Variants in DDX52 observed in about 807,000 individuals in gnomAD.
DDX52 encodes DExD-box helicase 52.
Under a neutral mutation model 76.1 loss-of-function variants are expected in DDX52, and 59 were observed. The observed-to-expected ratio is 0.78, with a 90% CI of 0.63 to 0.96. The LOEUF is 0.96. Ranked by LOEUF, DDX52 falls within the 40% of genes least tolerant of loss-of-function variation. The pLI, the probability that DDX52 is intolerant of heterozygous loss-of-function variation, is 0.00. For missense variants in DDX52, 707 were observed against 703.9 expected, an observed-to-expected ratio of 1.00 and a Z score of -0.05; for synonymous variants, 231 against 244.1, an observed-to-expected ratio of 0.95 and a Z score of 0.50.
chr17:37,610,421 G>A lies in DDX52; in HGVS notation c.*3875C>T, dbSNP rs1429980878. 1.3e-5 allele frequency: 2 copies of A among 150,898 alleles called. No homozygotes were observed. The highest frequency in any genetic ancestry group is 2.9e-5 in the Non-Finnish European group (2 of 67,902). 9.3% of individuals were successfully genotyped at this position (150,898 alleles called of 1,614,324 possible). The stretch of plus-strand genomic sequence containing the variant: ...GTGCCAGGGTGTGAGCCACATGCCT[G>A]GGCTGTGATTTTTTTTTTTCTTTTA... On this transcript the variant is annotated 3_prime_UTR_variant, in exon 15 of 15. Coordinates refer to ENST00000617633, the MANE Select transcript of DDX52 (RefSeq NM_007010.5).
chr17:37,638,871 G>A (rs1488979712), intron 2 of DDX52, among the ~76,000 whole-genome samples: 1 of 150,578 alleles, frequency 6.6e-6, no homozygotes, highest in Non-Finnish European at 1.5e-5. Flanking sequence ...CTGGGTTCAA[G>A]CGATTTTCCT....
chr17:37,611,106 A>G lies in DDX52; in HGVS notation c.*3190T>C, dbSNP rs2064346138. On this transcript the variant is annotated 3_prime_UTR_variant, in exon 15 of 15. Transcript: ENST00000617633. Reference sequence around the variant, plus strand: ...ATTCAACTCAGGATGTCGGCCTTCCATGACATCCCCAATCTGGGTTAGATG... The same window carrying G: ...ATTCAACTCAGGATGTCGGCCTTCCGTGACATCCCCAATCTGGGTTAGATG... 1 of 152,222 alleles carries G rather than the reference A, an allele frequency of 6.6e-6. No homozygotes were observed. Among genetic ancestry groups the G allele is most frequent in the Admixed American group, 6.5e-5 (1 of 15,274 alleles). The allele number at this position is 152,222 out of a possible 1,614,324, so 9.4% of individuals were successfully genotyped here.
At chr17:37,621,724 T>G (rs563453214) in intron 9 of DDX52, among the ~76,000 whole-genome samples, 2 of 152,188 alleles carry the variant, frequency 1.3e-5, no homozygotes, top group Non-Finnish European at 1.5e-5. Context: ...TGAAATATAT[T>G]CTCCATCTTG....
chr17:37,618,039 C>T (rs369604142), intron 14 of DDX52, among the ~76,000 whole-genome samples: 3 of 152,192 alleles, frequency 2.0e-5, no homozygotes, highest in South Asian at 4.2e-4. Context: ...GGCTTGAACC[C>T]GGGAGGCAGA....
At chr17:37,620,538 A>C (rs947270580) in intron 12 of DDX52, 3 of 208,878 alleles carry the variant, frequency 1.4e-5, no homozygotes, top group African/African-American at 7.0e-5. Flanking sequence ...GTGAAGTGTT[A>C]ATCATCATCA....
In DDX52 at chr17:37,630,181, C is replaced by A; in HGVS notation, c.604-8G>T. The A allele has an allele frequency of 6.2e-7, 1 of 1,600,872 alleles. No homozygotes were observed. Among genetic ancestry groups the A allele is most frequent in the South Asian group, 1.1e-5 (1 of 88,564 alleles). On this transcript the variant is annotated splice_region_variant and splice_polypyrimidine_tract_variant and intron_variant, in intron 4 of 14. Coordinates refer to ENST00000617633, the MANE Select transcript of DDX52 (RefSeq NM_007010.5). Reference sequence around the variant, plus strand: ...AGCCAGAAGTTCCCGACCCTAAAAACATAGGGTATATTAAATACTACAAAG... The same window carrying A: ...AGCCAGAAGTTCCCGACCCTAAAAAAATAGGGTATATTAAATACTACAAAG...
At chr17:37,630,480 T>C (rs1013509462) in intron 4 of DDX52, among the ~76,000 whole-genome samples, 2 of 152,112 alleles carry the variant, frequency 1.3e-5, no homozygotes, top group Non-Finnish European at 2.9e-5. Flanking sequence ...TAAACTATTG[T>C]CAAAATAAAA....
At chr17:37,614,723 G>A (rs746585653) in intron 14 of DDX52, among the ~76,000 whole-genome samples, 27 of 152,210 alleles carry the variant, frequency 1.8e-4, no homozygotes, top group African/African-American at 4.3e-4. Flanking sequence ...ATTATCCTCC[G>A]TTTACAGATG....
chr17:37,632,102 T>C lies in DDX52; in HGVS notation c.603+11A>G. On this transcript the variant is annotated intron_variant, in intron 4 of 14. Coordinates refer to ENST00000617633, the MANE Select transcript of DDX52 (RefSeq NM_007010.5). The stretch of plus-strand genomic sequence containing the variant: ...AGGAATGTTACAGGCATTCTAGATC[T>C]TCATACTCACATGCAGCATAACTGG... 6.2e-7 allele frequency: 1 copy of C among 1,612,760 alleles called. No homozygotes were observed. Among genetic ancestry groups the C allele is most frequent in the Non-Finnish European group, 8.5e-7 (1 of 1,179,730 alleles).
chr17:37,643,356 G>T lies in DDX52; in HGVS notation c.65C>A (p.Ser22Ter), dbSNP rs780345755. Residue 22 changes from serine to a stop codon, truncating the protein, a stop_gained, in exon 1 of 15, where the codon TCG becomes TAG. Coordinates refer to ENST00000617633, the MANE Select transcript of DDX52 (RefSeq NM_007010.5). LOFTEE classifies it high-confidence loss of function. ...AGAKFDTRRF[S>*]ADAARFQIGK... ...TACCTGGAATCGAGCTGCGTCTGCC[G>T]AGAAGCGTCTCGTGTCGAATTTGGC... The T allele has an allele frequency of 6.2e-7, 1 of 1,614,028 alleles. No homozygotes were observed. Among genetic ancestry groups the T allele is most frequent in the Non-Finnish European group, 8.5e-7 (1 of 1,179,920 alleles).
At position 37,610,109 on chromosome 17, in the gene DDX52, T is replaced by C. The variant is rs2064284791; in HGVS notation, c.*4187A>G. ...AATTCATAATTACTCTGAAGCTATT[T>C]CGGCATATTTTTTACTGATTTTTTT... On this transcript the variant is annotated 3_prime_UTR_variant, in exon 15 of 15. Transcript: ENST00000617633. 6.7e-6 allele frequency: 1 copy of C among 150,282 alleles called. No homozygotes were observed. The highest frequency in any genetic ancestry group is 6.7e-5 in the Admixed American group (1 of 14,926). The allele number at this position is 150,282 out of a possible 1,614,324, so 9.3% of individuals were successfully genotyped here. A position where few individuals can be genotyped will look rare whatever the true frequency, so the allele number is the denominator to read the frequency against.
rs2064366031 is a variant in DDX52, at chr17:37,611,618, C to G, written c.*2678G>C. On this transcript the variant is annotated 3_prime_UTR_variant, in exon 15 of 15. Coordinates refer to ENST00000617633, the MANE Select transcript of DDX52 (RefSeq NM_007010.5). ...GTGTGGTGGCGCATGCCTGTAGTCC[C>G]AGCAACTCGGGAGGCTGAGGCAGGA... 6.6e-6 allele frequency: 1 copy of G among 151,296 alleles called. No homozygotes were observed. The highest frequency in any genetic ancestry group is 1.5e-5 in the Non-Finnish European group (1 of 68,060). 9.4% of individuals were successfully genotyped at this position (151,296 alleles called of 1,614,324 possible).
rs1325821874 is a variant in DDX52 at position 37,618,386 on chromosome 17, T to C, written c.1650-2A>G. The C allele has an allele frequency of 1.3e-6, 2 of 1,580,268 alleles. No homozygotes were observed. The highest frequency in any genetic ancestry group is 2.8e-5 in the African/African-American group (2 of 72,264). On this transcript the variant is annotated splice_acceptor_variant, in intron 13 of 14. Transcript: ENST00000617633. LOFTEE classifies it high-confidence loss of function. ...TTAATCATCTTTTTCTTTTGTTTGC[T>C]GAAAGTTACAAAGTAAAAAAGGAAA...
rs1381543663 is a variant in DDX52, at chr17:37,614,268, T to G, written c.*28A>C. 6.2e-7 allele frequency: 1 copy of G among 1,605,828 alleles called. No homozygotes were observed. The highest frequency in any genetic ancestry group is 1.7e-4 in the Middle Eastern group (1 of 5,990). On this transcript the variant is annotated 3_prime_UTR_variant, in exon 15 of 15. Transcript: ENST00000617633. ...CATGCTGGGATCATAAAATTACATTTCTGGGACAGTATTTTTAAAGTCTGT... is the reference window on the plus strand; with the variant it reads ...CATGCTGGGATCATAAAATTACATTGCTGGGACAGTATTTTTAAAGTCTGT...
chr17:37,638,366 T>C (rs908222534), intron 2 of DDX52, among the ~76,000 whole-genome samples: 4 of 152,236 alleles, frequency 2.6e-5, no homozygotes, highest in African/African-American at 9.6e-5. Context: ...TTGAGTTGCC[T>C]AAAATATTGG....
intron 2 of DDX52, among the ~76,000 whole-genome samples, chr17:37,637,911 A>C (rs2031007203): frequency 6.6e-6 from 1 of 152,218 alleles, no homozygotes; most frequent in African/African-American, 2.4e-5. Flanking sequence ...TTAGTTGAGC[A>C]AATTTTCCAT....
chr17:37,642,422 G>A, intron 1 of DDX52, 114 bp from the exon 2 acceptor site: 1 of 1,191,202 alleles, frequency 8.4e-7, no homozygotes, highest in Middle Eastern at 2.2e-4. Context: ...AGTATCTGTC[G>A]AGCTAACAGG....
intron 6 of DDX52, 106 bp from the exon 7 acceptor site, chr17:37,626,966 TCATAGC>T: frequency 3.6e-6 from 3 of 834,280 alleles, no homozygotes. Flanking sequence ...TGGGAAGTAG[TCATAGC>T]CAACAACACA....
At chr17:37,633,024 T>C (rs1214314440) in intron 3 of DDX52, among the ~76,000 whole-genome samples, 2 of 152,224 alleles carry the variant, frequency 1.3e-5, no homozygotes, top group Non-Finnish European at 2.9e-5. Context: ...AAAAATTTAA[T>C]TCTAAACATA....
Sources: gnomAD v4.1 joint callset for allele counts (sites outside exome capture counted in the v4.1 genomes callset) on GRCh38, gnomAD v4.1.1 for gene constraint, MANE v1.5 for transcripts, NCBI Gene and HGNC (gene_info 2026-07-23, HGNC 2026-07-21) for gene names.